EFCAB11: variants seen among roughly 807,000 people sequenced by gnomAD.
EFCAB11 encodes the protein EF-hand calcium binding domain 11, also known as EF-hand calcium-binding domain-containing protein 11.
In EFCAB11, 14 loss-of-function variants were observed where a neutral mutation model predicts 23.0. The ratio of observed to expected loss-of-function variants is 0.61; its 90% CI spans 0.40 to 0.95. The LOEUF (loss-of-function observed/expected upper bound fraction) is 0.95, where lower values mean the gene tolerates loss of function less well. Ranked by LOEUF, EFCAB11 falls within the 40% of genes least tolerant of loss-of-function variation. The pLI is 0.00. For synonymous variants in EFCAB11, 65 were observed against 66.6 expected (o/e 0.98, Z 0.11); for missense variants, 198 against 195.8 (o/e 1.01, Z -0.07).
chr14:89,900,266 G>A (rs975827466), intron 5 of EFCAB11, among the ~76,000 whole-genome samples: 2 of 151,972 alleles, frequency 1.3e-5, no homozygotes, highest in African/African-American at 4.8e-5. Flanking sequence ...TACTATTTAA[G>A]ATATATAAAT....
chr14:89,847,974 G>A (rs575004030), intron 5 of EFCAB11, among the ~76,000 whole-genome samples: 45 of 152,220 alleles, frequency 3.0e-4, no homozygotes, highest in African/African-American at 1.1e-3. Flanking sequence ...TGTAAAGCAC[G>A]TAGTTAACAA....
At chr14:89,931,335 C>G in intron 5 of EFCAB11, 1 of 530,156 alleles carries the variant, frequency 1.9e-6, no homozygotes. Context: ...GCAAGCGCTC[C>G]CCCAACTTTA....
At chr14:89,841,988 C>T (rs778944582) in intron 5 of EFCAB11, among the ~76,000 whole-genome samples, 13 of 152,156 alleles carry the variant, frequency 8.5e-5, no homozygotes, top group Non-Finnish European at 1.6e-4. Context: ...ATTCCTCCTC[C>T]TTCTCTCTAA....
rs560690942 is a variant in EFCAB11, at chr14:89,802,404, T to A, written c.411-5080A>T. On this transcript the variant is annotated intron_variant, in intron 5 of 5. Transcript: ENST00000316738. ...TTTAATTTTAATTAATTAATTAATTTATTTAGAGACAGAGTCTTGCTCTGT... is the reference window on the plus strand; with the variant it reads ...TTTAATTTTAATTAATTAATTAATTAATTTAGAGACAGAGTCTTGCTCTGT... Among the ~76,000 whole-genome samples, 313 of 152,268 alleles carry A rather than the reference T, an allele frequency of 2.1e-3. 1 individual carries two copies. Among genetic ancestry groups the A allele is most frequent in the African/African-American group, 6.5e-3 (270 of 41,540 alleles).
At chr14:89,887,581 A>T (rs185347577) in intron 5 of EFCAB11, among the ~76,000 whole-genome samples, 139 of 152,376 alleles carry the variant, frequency 9.1e-4, no homozygotes, top group Admixed American at 3.1e-3. Flanking sequence ...GTACTAAGGT[A>T]TTAAATTGAA....
intron 5 of EFCAB11, 79 bp downstream of exon 5, chr14:89,931,462 T>C (rs1890386735): frequency 1.6e-6 from 2 of 1,280,310 alleles, no homozygotes; most frequent in Non-Finnish European, 2.2e-6. Context: ...AATAAATAAG[T>C]TCTTTCCATA....
chr14:89,897,174 G>C (rs1315387200), intron 5 of EFCAB11, among the ~76,000 whole-genome samples: 2 of 150,020 alleles, frequency 1.3e-5, no homozygotes, highest in Non-Finnish European at 3.0e-5. Context: ...TTAAACATTA[G>C]AGAAACATAT....
At chr14:89,806,796 A>G (rs753911990) in intron 5 of EFCAB11, among the ~76,000 whole-genome samples, 44 of 152,302 alleles carry the variant, frequency 2.9e-4, no homozygotes, top group Non-Finnish European at 5.7e-4. Context: ...ATGATTGCTA[A>G]GATTTGGTTC....
At chr14:89,905,369 C>T (rs1467241002) in intron 5 of EFCAB11, among the ~76,000 whole-genome samples, 1 of 152,188 alleles carries the variant, frequency 6.6e-6, no homozygotes, top group African/African-American at 2.4e-5. Flanking sequence ...GTCCTAACCA[C>T]CACTAAGAGA....
intron 3 of EFCAB11, among the ~76,000 whole-genome samples, chr14:89,934,650 T>C (rs934530475): frequency 2.0e-5 from 3 of 151,842 alleles, no homozygotes; most frequent in Non-Finnish European, 2.9e-5. Context: ...TATGTAGCAT[T>C]TTTTTCCATA....
chr14:89,898,727 G>A (rs896833450), intron 5 of EFCAB11, among the ~76,000 whole-genome samples: 21 of 148,976 alleles, frequency 1.4e-4, no homozygotes, highest in African/African-American at 5.0e-4. Flanking sequence ...GCTGGGGTGC[G>A]GTGGTACAAT....
chr14:89,901,137 T>A (rs945123039), intron 5 of EFCAB11, among the ~76,000 whole-genome samples: 7 of 152,230 alleles, frequency 4.6e-5, no homozygotes, highest in Admixed American at 1.3e-4. Context: ...CTAATTTTTT[T>A]AAAACTTCTT....
chr14:89,923,813 A>G, intron 5 of EFCAB11: 2 of 985,492 alleles, frequency 2.0e-6, no homozygotes, highest in Non-Finnish European at 2.4e-6. Context: ...ATGGACCAGG[A>G]AAATGATACT....
intron 5 of EFCAB11, among the ~76,000 whole-genome samples, chr14:89,879,886 G>C (rs1596419415): frequency 1.3e-5 from 2 of 152,086 alleles, no homozygotes; most frequent in Admixed American, 1.3e-4. Context: ...TTACAACACA[G>C]GGATGTTACA....
At chr14:89,889,517 C>G (rs540745137) in intron 5 of EFCAB11, among the ~76,000 whole-genome samples, 79 of 152,346 alleles carry the variant, frequency 5.2e-4, no homozygotes, top group African/African-American at 1.9e-3. Context: ...AAAGTTAAGA[C>G]AGCAGACCTG....
chr14:89,867,153 C>T (rs545645193), intron 5 of EFCAB11, among the ~76,000 whole-genome samples: 44 of 152,314 alleles, frequency 2.9e-4, no homozygotes, highest in African/African-American at 9.9e-4. Context: ...AACCAGGTCT[C>T]CTGCCTCACC....
intron 5 of EFCAB11, among the ~76,000 whole-genome samples, chr14:89,872,402 T>G (rs543877291): frequency 1.3e-5 from 2 of 152,088 alleles, no homozygotes; most frequent in Non-Finnish European, 2.9e-5. Flanking sequence ...ACAGTGCAAG[T>G]AGGAAAGAGT....
intron 5 of EFCAB11, among the ~76,000 whole-genome samples, chr14:89,803,085 C>T (rs958688770): frequency 4.6e-5 from 7 of 152,114 alleles, no homozygotes; most frequent in African/African-American, 1.4e-4. Flanking sequence ...CATGCCCAAT[C>T]GTGACAGCCA....
At chr14:89,875,199 G>A (rs1315008425) in intron 5 of EFCAB11, among the ~76,000 whole-genome samples, 1 of 152,180 alleles carries the variant, frequency 6.6e-6, no homozygotes, top group African/African-American at 2.4e-5. Flanking sequence ...GAATTAAACA[G>A]ACAAATTACT....
Sources: gnomAD v4.1 joint callset for allele counts (sites outside exome capture counted in the v4.1 genomes callset) on GRCh38, gnomAD v4.1.1 for gene constraint, MANE v1.5 for transcripts, NCBI Gene and HGNC (gene_info 2026-07-23, HGNC 2026-07-21) for gene names.